The following FUBP3 variants were observed in gnomAD, a reference collection of about 807,000 sequenced individuals.
FUBP3 encodes far upstream element binding protein 3, also known as far upstream element-binding protein 3.
Under a neutral mutation model 85.6 loss-of-function variants are expected in FUBP3, and 28 were observed. The ratio of observed to expected loss-of-function variants is 0.33; its 90% CI spans 0.24 to 0.45. The LOEUF is 0.45. FUBP3 is among the 20% of genes least tolerant of loss of function. The pLI, the probability that FUBP3 is intolerant of heterozygous loss-of-function variation, is 1.00. For synonymous variants in FUBP3, 271 were observed against 271.4 expected, an observed-to-expected ratio of 1.00 and a Z score of 0.01; for missense variants, 583 against 755.1, an observed-to-expected ratio of 0.77 and a Z score of 2.67.
intron 8 of FUBP3, 134 bp from the exon 9 acceptor site, chr9:130,620,213 CCCATAAG>C: frequency 1.9e-6 from 1 of 525,176 alleles, no homozygotes; most frequent in Non-Finnish European, 3.4e-6. Flanking sequence ...CCCTACATGT[CCCATAAG>C]CCATAAGTGA....
intron 9 of FUBP3, among the ~76,000 whole-genome samples, chr9:130,621,639 G>T (rs571421038): frequency 8.5e-5 from 13 of 152,348 alleles, no homozygotes; most frequent in African/African-American, 2.9e-4. Flanking sequence ...GGGCATGGTG[G>T]CTCACGCCTG....
intron 2 of FUBP3, among the ~76,000 whole-genome samples, chr9:130,605,788 A>G (rs572111143): frequency 6.6e-6 from 1 of 152,250 alleles, no homozygotes; most frequent in Non-Finnish European, 1.5e-5. Context: ...GTTTGAGACC[A>G]GCTTGGCCAA....
At chr9:130,609,570 ATCT>A (rs1294548000) in intron 2 of FUBP3, among the ~76,000 whole-genome samples, 5 of 152,170 alleles carry the variant, frequency 3.3e-5, no homozygotes, top group South Asian at 2.1e-4. Context: ...AGGAGGGTAA[ATCT>A]TCTCATTTGT....
At position 130,637,229 on chromosome 9, in the gene FUBP3, T is replaced by A; in HGVS notation, c.*207T>A. 1.7e-6 allele frequency: 1 copy of A among 593,564 alleles called. No homozygotes were observed. The highest frequency in any genetic ancestry group is 3.0e-6 in the Non-Finnish European group (1 of 331,454). 36.8% of individuals were successfully genotyped at this position (593,564 alleles called of 1,614,324 possible). ...GATCATTTTTGTTTCATTATTTTTGTTATTTCAAATGTATAAGCTCTGGGA... is the reference window on the plus strand; with the variant it reads ...GATCATTTTTGTTTCATTATTTTTGATATTTCAAATGTATAAGCTCTGGGA... On this transcript the variant is annotated 3_prime_UTR_variant, in exon 19 of 19. Transcript: ENST00000319725.
intron 1 of FUBP3, among the ~76,000 whole-genome samples, chr9:130,589,632 C>T (rs965404852): frequency 2.1e-5 from 3 of 144,722 alleles, no homozygotes; most frequent in Admixed American, 7.0e-5. Flanking sequence ...GCATGAACCC[C>T]TGCACCCAGC....
At chr9:130,636,546 G>A (rs568597878) in intron 18 of FUBP3, among the ~76,000 whole-genome samples, 1 of 152,376 alleles carries the variant, frequency 6.6e-6, no homozygotes, top group East Asian at 1.9e-4. Flanking sequence ...GCAGCAGCAG[G>A]AAGCAGTGAG....
intron 1 of FUBP3, among the ~76,000 whole-genome samples, chr9:130,584,036 C>T (rs1830240928): frequency 2.0e-5 from 3 of 152,128 alleles, no homozygotes; most frequent in South Asian, 4.1e-4. Flanking sequence ...GCCCCCATGC[C>T]TGGCTGTCTT....
chr9:130,626,366 A>C lies in FUBP3; in HGVS notation c.978A>C (p.Glu326Asp). The C allele has an allele frequency of 6.2e-7, 1 of 1,612,194 alleles. No individual in the cohort carries two copies. The highest frequency in any genetic ancestry group is 8.5e-7 in the Non-Finnish European group (1 of 1,179,216). ...IISELILTAQ[E>D]RDGFGGLAAA... ...CTACAGCCCTGTGATCTTTCCAGGAAAGAGACGGCTTTGGAGGCCTGGCAG... is the reference window on the plus strand; with the variant it reads ...CTACAGCCCTGTGATCTTTCCAGGACAGAGACGGCTTTGGAGGCCTGGCAG... The change falls in exon 12 of 19, where the codon GAA becomes GAC. Residue 326 changes from glutamate (E) to aspartate (D), a missense_variant and splice_region_variant. Transcript: ENST00000319725.
chr9:130,617,809 G>A lies in FUBP3; in HGVS notation c.580G>A (p.Val194Met). The change falls in exon 8 of 19, where the codon GTG (valine) becomes ATG (methionine). Residue 194 changes from valine (V) to methionine (M), a missense_variant. Val to Met is a conservative substitution (Grantham distance 21). This residue lies in a region of FUBP3 where 404 missense variants were observed against 516.8 expected (regional missense o/e 0.78). Transcript: ENST00000319725. ...TIKQLQERTG[V>M]KMVMIQDGPL... Reference sequence around the variant, plus strand: ...GTGTTCCCCACAGGAGCGGACAGGGGTGAAGATGGTCATGATCCAGGATGG... The same window carrying A: ...GTGTTCCCCACAGGAGCGGACAGGGATGAAGATGGTCATGATCCAGGATGG... 6.3e-7 allele frequency: 1 copy of A among 1,597,288 alleles called. No homozygotes were observed. Among genetic ancestry groups the A allele is most frequent in the Non-Finnish European group, 8.6e-7 (1 of 1,164,634 alleles).
At chr9:130,582,611 C>T (rs1830180811) in intron 1 of FUBP3, among the ~76,000 whole-genome samples, 2 of 152,210 alleles carry the variant, frequency 1.3e-5, no homozygotes, top group African/African-American at 4.8e-5. Flanking sequence ...TCAGATAAGA[C>T]AAAATCCTGA....
chr9:130,615,347 T>G (rs1232189598), intron 6 of FUBP3, among the ~76,000 whole-genome samples: 1 of 152,240 alleles, frequency 6.6e-6, no homozygotes, highest in East Asian at 1.9e-4. Context: ...TGCCTTTCTC[T>G]TCTTTCTTCC....
rs929781882 is a variant in FUBP3 at position 130,620,373 on chromosome 9, T to G, written c.686T>G (p.Leu229Arg). The change falls in exon 9 of 19, where the codon CTA becomes CGA. Residue 229 changes from leucine to arginine, a missense_variant. This residue lies in a region of FUBP3 where 404 missense variants were observed against 516.8 expected (regional missense o/e 0.78). Transcript: ENST00000319725. ...ATGCAGCAAGCAAGAGAAATGGTAC[T>G]AGAGATTATCCGAGAAAAAGACCAA... Reference protein sequence around the residue: ...FKVQQAREMVLEIIREKDQAD... With the variant: ...FKVQQAREMVREIIREKDQAD... 3.1e-6 allele frequency: 5 copies of G among 1,598,832 alleles called. No homozygotes were observed. Among genetic ancestry groups the G allele is most frequent in the Non-Finnish European group, 4.3e-6 (5 of 1,171,184 alleles).
In FUBP3 at chr9:130,616,536, C is replaced by A. The variant is rs578090013; in HGVS notation, c.567+19C>A. Reference sequence around the variant, plus strand: ...GTTGCAGGTGTGTGAGCCCGGAGCACGGAGCACAGCGGCCGCTCGCAGCAG... The same window carrying A: ...GTTGCAGGTGTGTGAGCCCGGAGCAAGGAGCACAGCGGCCGCTCGCAGCAG... On this transcript the variant is annotated intron_variant, in intron 7 of 18. Coordinates refer to ENST00000319725, the MANE Select transcript of FUBP3 (RefSeq NM_003934.2). The surrounding 1 kb of genome is among the most constrained non-coding windows in gnomAD (Gnocchi z 4.7). The A allele has an allele frequency of 1.2e-6, 2 of 1,611,708 alleles. No homozygotes were observed. Among genetic ancestry groups the A allele is most frequent in the South Asian group, 2.2e-5 (2 of 91,006 alleles).
At chr9:130,636,179 T>C in intron 18 of FUBP3, 53 bp downstream of exon 18, 1 of 1,571,674 alleles carries the variant, frequency 6.4e-7, no homozygotes, top group South Asian at 1.1e-5. Context: ...GAGCCCCTGC[T>C]CCCAAGCCTT....
rs761998528 is a variant in FUBP3 at position 130,626,535 on chromosome 9, C to G, written c.1117+30C>G. On this transcript the variant is annotated intron_variant, in intron 12 of 18. Coordinates refer to ENST00000319725, the MANE Select transcript of FUBP3 (RefSeq NM_003934.2). ...GAGGCAGCTGGGGTTTCACATCCCC[C>G]CTCAGCTGTTTGGCTTGAGGGAAGG... The G allele has an allele frequency of 8.1e-6, 13 of 1,607,166 alleles. No individual in the cohort carries two copies. The Admixed American group carries it at 2.0e-4, about 25-fold the overall frequency.
chr9:130,582,923 C>T (rs925853146), intron 1 of FUBP3, among the ~76,000 whole-genome samples: 8 of 152,118 alleles, frequency 5.3e-5, no homozygotes, highest in African/African-American at 1.2e-4. Flanking sequence ...AATTGTTCTC[C>T]GAGAAACTAC....
intron 2 of FUBP3, among the ~76,000 whole-genome samples, chr9:130,601,068 G>C (rs12000591): frequency 0.069 from 10,498 of 152,246 alleles, 455 homozygotes; most frequent in African/African-American, 0.13. Context: ...CATAAACAAA[G>C]AGCATGGCTG....
rs1420309396 is a variant in FUBP3 at position 130,616,365 on chromosome 9, C to A, written c.415C>A (p.Arg139=). Residue 139 remains arginine, a synonymous_variant, in exon 7 of 19, where the codon CGG becomes AGG. Coordinates refer to ENST00000319725, the MANE Select transcript of FUBP3 (RefSeq NM_003934.2). The surrounding 1 kb of genome is among the most constrained non-coding windows in gnomAD (Gnocchi z 4.7). ...GTPESIEQAK[R]LLGQIVDRCR... ...TTTTCCCTCCCAAAGACAAGCCAAACGGCTCCTGGGACAGATTGTGGACCG... is the reference window on the plus strand; with the variant it reads ...TTTTCCCTCCCAAAGACAAGCCAAAAGGCTCCTGGGACAGATTGTGGACCG... 1.2e-6 allele frequency: 2 copies of A among 1,614,020 alleles called. No homozygotes were observed. Among genetic ancestry groups the A allele is most frequent in the South Asian group, 1.1e-5 (1 of 91,074 alleles).
intron 8 of FUBP3, 61 bp downstream of exon 8, chr9:130,617,956 C>T: frequency 1.3e-6 from 1 of 746,642 alleles, no homozygotes; most frequent in East Asian, 2.6e-5. Context: ...CGGTGGTACC[C>T]TAGAGCTTTT....
Sources: gnomAD v4.1 joint callset for allele counts (sites outside exome capture counted in the v4.1 genomes callset) on GRCh38, gnomAD v4.1.1 for gene constraint, gnomAD v4.1.1 regional missense constraint, Gnocchi (gnomAD v3.1) non-coding constraint, MANE v1.5 for transcripts, NCBI Gene and HGNC (gene_info 2026-07-23, HGNC 2026-07-21) for gene names.